Variants in STARD13 observed in about 807,000 individuals in gnomAD.
STARD13 encodes StAR related lipid transfer domain containing 13, also known as stAR-related lipid transfer protein 13.
A neutral mutation model predicts 106.4 loss-of-function variants in STARD13; 62 were observed. The observed-to-expected ratio is 0.58, with a 90% CI of 0.48 to 0.72. The LOEUF is 0.72. STARD13 is among the 30% of genes least tolerant of loss of function. STARD13 has a pLI of 0.00. For missense variants in STARD13, 1,387 were observed against 1,424.0 expected, an observed-to-expected ratio of 0.97 and a Z score of 0.42; for synonymous variants, 565 against 553.0, an observed-to-expected ratio of 1.02 and a Z score of -0.31.
chr13:33,403,413 T>G, the STARD13 span, among the ~76,000 whole-genome samples: 1 of 152,166 alleles, frequency 6.6e-6, no homozygotes, highest in Non-Finnish European at 1.5e-5. Flanking sequence ...TTAGGTTAAT[T>G]TGAGCAGAGG....
chr13:33,583,088 C>T, the STARD13 span, among the ~76,000 whole-genome samples: 3 of 152,272 alleles, frequency 2.0e-5, no homozygotes, highest in East Asian at 5.8e-4. Context: ...ATTTTATTGA[C>T]CTAATGACAC....
the STARD13 span, among the ~76,000 whole-genome samples, chr13:33,438,027 T>TG: frequency 6.6e-6 from 1 of 152,224 alleles, no homozygotes; most frequent in Admixed American, 6.5e-5. Context: ...CCTCCATGGC[T>TG]GAACTTCCTC....
intron 1 of STARD13, among the ~76,000 whole-genome samples, chr13:33,244,938 A>G (rs1333087740): frequency 6.6e-6 from 1 of 152,228 alleles, no homozygotes; most frequent in Admixed American, 6.5e-5. Flanking sequence ...TAGGTAACTG[A>G]CACATCCCTA....
At chr13:33,604,001 C>G in the STARD13 span, among the ~76,000 whole-genome samples, 1 of 151,978 alleles carries the variant, frequency 6.6e-6, no homozygotes, top group Non-Finnish European at 1.5e-5. Flanking sequence ...AAATAAGACA[C>G]TCTTACAATT....
At chr13:33,438,808 A>C in the STARD13 span, among the ~76,000 whole-genome samples, 1 of 152,208 alleles carries the variant, frequency 6.6e-6, no homozygotes, top group Non-Finnish European at 1.5e-5. Flanking sequence ...ACTGGTTCTC[A>C]GCAGATTATA....
the STARD13 span, among the ~76,000 whole-genome samples, chr13:33,616,664 C>A: frequency 6.6e-5 from 10 of 152,200 alleles, no homozygotes; most frequent in Admixed American, 5.9e-4. Flanking sequence ...GTGCCTACTA[C>A]AAGCCATACA....
intron 1 of STARD13, among the ~76,000 whole-genome samples, chr13:33,174,521 C>G (rs562021266): frequency 6.6e-6 from 1 of 152,136 alleles, no homozygotes; most frequent in Non-Finnish European, 1.5e-5. Flanking sequence ...AACCACCTTT[C>G]CTGCTCTTTT....
intron 1 of STARD13, among the ~76,000 whole-genome samples, chr13:33,209,774 C>T (rs1324065451): frequency 6.6e-6 from 1 of 151,802 alleles, no homozygotes. Context: ...AGTTCAAGAC[C>T]AACCTAGGCA....
At chr13:33,233,424 CAGCCT>C (rs1889025451) in intron 1 of STARD13, among the ~76,000 whole-genome samples, 1 of 152,236 alleles carries the variant, frequency 6.6e-6, no homozygotes, top group Admixed American at 6.5e-5. Flanking sequence ...GAGGAGACGA[CAGCCT>C]GACTGCAGGG....
chr13:33,267,153 T>C (rs955323165), intron 1 of STARD13, among the ~76,000 whole-genome samples: 5 of 152,146 alleles, frequency 3.3e-5, no homozygotes, highest in Non-Finnish European at 7.3e-5. Context: ...CCCTGGTTTT[T>C]CAAGGACAGC....
At chr13:33,619,497 T>C in the STARD13 span, among the ~76,000 whole-genome samples, 5 of 152,226 alleles carry the variant, frequency 3.3e-5, no homozygotes, top group African/African-American at 1.2e-4. Flanking sequence ...TGAACCTAAT[T>C]AACTTAATTT....
chr13:33,391,675 G>C, the STARD13 span, among the ~76,000 whole-genome samples: 1 of 152,078 alleles, frequency 6.6e-6, no homozygotes, highest in Non-Finnish European at 1.5e-5. Flanking sequence ...GAAATCAGCC[G>C]GGGAGCAGAG....
chr13:33,650,757 T>G, the STARD13 span, among the ~76,000 whole-genome samples: 1 of 152,136 alleles, frequency 6.6e-6, no homozygotes, highest in African/African-American at 2.4e-5. Flanking sequence ...AATTGGGAGG[T>G]GATTACGCCA....
chr13:33,551,752 C>A, the STARD13 span, among the ~76,000 whole-genome samples: 1 of 151,688 alleles, frequency 6.6e-6, no homozygotes, highest in Non-Finnish European at 1.5e-5. Flanking sequence ...GTGCCCACCA[C>A]CATACTGGCT....
intron 1 of STARD13, among the ~76,000 whole-genome samples, chr13:33,190,829 C>T (rs915901966): frequency 5.9e-5 from 9 of 151,954 alleles, no homozygotes; most frequent in South Asian, 2.1e-4. Flanking sequence ...TGTGATCCAC[C>T]GGCCTTGGCC....
chr13:33,346,315 C>T (rs1000384985), downstream of STARD13, among the ~76,000 whole-genome samples: 2 of 152,184 alleles, frequency 1.3e-5, no homozygotes, highest in African/African-American at 4.8e-5. Flanking sequence ...GCTAAACTCC[C>T]CAGGCCCCAG....
At chr13:33,538,872 C>A in the STARD13 span, among the ~76,000 whole-genome samples, 1 of 151,830 alleles carries the variant, frequency 6.6e-6, no homozygotes, top group African/African-American at 2.4e-5. Context: ...CGGGTTCACA[C>A]CATTCTCCTG....
the STARD13 span, among the ~76,000 whole-genome samples, chr13:33,507,991 C>T: frequency 1.3e-5 from 2 of 152,048 alleles, no homozygotes; most frequent in Non-Finnish European, 2.9e-5. Flanking sequence ...TGGGCCTGTG[C>T]AGTTCAAGCC....
rs571167826 is a variant in STARD13, at chr13:33,308,859, C to T, written c.124+41431G>A. On this transcript the variant is annotated intron_variant, in intron 1 of 5. Coordinates refer to the STARD13 transcript ENST00000567873. ...TTTCTAGTCAGATGTCTTGGCAAAG[C>T]ATGATTTGTCTCATGGGAATACCCA... Among the ~76,000 whole-genome samples the T allele has an allele frequency of 1.2e-4, 19 of 152,306 alleles. No homozygotes were observed. In the South Asian group the frequency reaches 3.7e-3, roughly 30 times the overall value.
Sources: allele counts gnomAD v4.1 joint callset (sites outside exome capture counted in the v4.1 genomes callset), GRCh38; gene constraint gnomAD v4.1.1; transcripts MANE v1.5; gene names NCBI Gene and HGNC (gene_info 2026-07-23, HGNC 2026-07-21).